Variants in LGALS3 observed in about 807,000 individuals in gnomAD.
LGALS3 encodes the protein galectin 3.
In LGALS3, 18 loss-of-function variants were observed where a neutral mutation model predicts 20.7. The ratio of observed to expected loss-of-function variants is 0.87; its 90% CI spans 0.60 to 1.29. The LOEUF (loss-of-function observed/expected upper bound fraction) is 1.29, where lower values mean the gene tolerates loss of function less well. Among genes scored for constraint, LGALS3 ranks in the 50% most tolerant of loss-of-function variants. LGALS3 has a pLI of 0.00. For missense variants in LGALS3, 315 were observed against 314.7 expected, an observed-to-expected ratio of 1.00 and a Z score of -0.01; for synonymous variants, 112 against 119.6, an observed-to-expected ratio of 0.94 and a Z score of 0.42.
intron 1 of LGALS3, among the ~76,000 whole-genome samples, chr14:55,135,560 GTTTTTT>G (rs762172869): frequency 1.9e-5 from 2 of 106,560 alleles, no homozygotes; most frequent in East Asian, 3.1e-4. Context: ...ATATTTTATG[GTTTTTT>G]TTTTTTTTTT....
intron 5 of LGALS3, 78 bp from the exon 6 acceptor site, chr14:55,145,038 T>A: frequency 8.8e-7 from 1 of 1,130,494 alleles, no homozygotes; most frequent in Admixed American, 2.1e-5. Flanking sequence ...AGATGAAATA[T>A]GTATATATTG....
intron 4 of LGALS3, among the ~76,000 whole-genome samples, chr14:55,141,076 A>G (rs1385917296): frequency 6.6e-6 from 1 of 152,176 alleles, no homozygotes; most frequent in Non-Finnish European, 1.5e-5. Flanking sequence ...CCATGTACAC[A>G]GGTTTATGCA....
chr14:55,136,354 C>T (rs2140291344), intron 1 of LGALS3, among the ~76,000 whole-genome samples: 1 of 151,734 alleles, frequency 6.6e-6, no homozygotes, highest in Non-Finnish European at 1.5e-5. Flanking sequence ...CCCTTTGAGG[C>T]TTAGCTCCAA....
chr14:55,145,230 GGTGACATAGAC>G lies in LGALS3; in HGVS notation c.713_723del (p.Gly238AlafsTer12). 6.2e-7 allele frequency: 1 copy of G among 1,613,558 alleles called. No individual in the cohort carries two copies. Among genetic ancestry groups the G allele is most frequent in the Non-Finnish European group, 8.5e-7 (1 of 1,179,926 alleles). ...TGAAATCAGCAAACTGGGAATTTCT[GGTGACATAGAC>G]CTCACCAGTGCTTCATATACCATGA... is the stretch of plus-strand genomic sequence containing the variant. On this transcript the variant is annotated frameshift_variant, in exon 6 of 6. Transcript: ENST00000254301. LOFTEE classifies it high-confidence loss of function.
chr14:55,129,934 G>A lies in LGALS3; in HGVS notation c.-5+634G>A, dbSNP rs1430288052. Among the ~76,000 whole-genome samples, 1 of 152,164 alleles carries A rather than the reference G, an allele frequency of 6.6e-6. No individual in the cohort carries two copies. Among genetic ancestry groups the A allele is most frequent in the Non-Finnish European group, 1.5e-5 (1 of 68,024 alleles). ...GGAGATCTCGCTGTGGAGCGCGAAT[G>A]AGTTCTTCCACCGGGACCAGCTGCG... On this transcript the variant is annotated intron_variant, in intron 1 of 5. Coordinates refer to ENST00000254301, the MANE Select transcript of LGALS3 (RefSeq NM_002306.4). The surrounding 1 kb of genome is among the most constrained non-coding windows in gnomAD (Gnocchi z 5.3).
intron 1 of LGALS3, among the ~76,000 whole-genome samples, chr14:55,131,621 G>A (rs1881234538): frequency 6.6e-6 from 1 of 152,158 alleles, no homozygotes; most frequent in South Asian, 2.1e-4. Flanking sequence ...CTTGTGTCTG[G>A]TGCCTGAACT....
At chr14:55,144,164 AG>A (rs2140297742) in intron 5 of LGALS3, among the ~76,000 whole-genome samples, 1 of 152,270 alleles carries the variant, frequency 6.6e-6, no homozygotes. Flanking sequence ...GTTTTGAGAC[AG>A]GGTCTCACAC....
chr14:55,137,829 G>A, intron 2 of LGALS3: 1 of 1,301,152 alleles, frequency 7.7e-7, no homozygotes, highest in East Asian at 2.9e-5. Flanking sequence ...CTGAGACGTT[G>A]GGAGGCAAGA....
At chr14:55,145,089 T>G (rs762418988) in intron 5 of LGALS3, 27 bp from the exon 6 acceptor site, 2 of 1,595,206 alleles carry the variant, frequency 1.3e-6, no homozygotes, top group Non-Finnish European at 1.7e-6. Context: ...TTACCTCATG[T>G]AACAGTTTAT....
At chr14:55,130,226 A>C (rs1881185635) in intron 1 of LGALS3, among the ~76,000 whole-genome samples, 1 of 152,122 alleles carries the variant, frequency 6.6e-6, no homozygotes, top group African/African-American at 2.4e-5. Context: ...GAAACACTAA[A>C]ACGATTGCCC....
chr14:55,144,330 G>C (rs1881738435), intron 5 of LGALS3, among the ~76,000 whole-genome samples: 1 of 152,184 alleles, frequency 6.6e-6, no homozygotes, highest in Admixed American at 6.5e-5. Flanking sequence ...TTTTCTTGTA[G>C]AGATGGGATT....
intron 5 of LGALS3, among the ~76,000 whole-genome samples, chr14:55,143,212 T>A (rs570000069): frequency 6.6e-6 from 1 of 152,320 alleles, no homozygotes; most frequent in South Asian, 2.1e-4. Flanking sequence ...AAGTTGCAAT[T>A]CGATGAGTAT....
At chr14:55,145,064 C>T (rs2140298344) in intron 5 of LGALS3, 52 bp from the exon 6 acceptor site, 2 of 1,440,408 alleles carry the variant, frequency 1.4e-6, no homozygotes, top group East Asian at 2.3e-5. Flanking sequence ...TGCCTAAATC[C>T]AGCTGACATA....
In LGALS3 at chr14:55,145,421, C is replaced by T. The variant is rs1246051166; in HGVS notation, c.*150C>T. On this transcript the variant is annotated 3_prime_UTR_variant, in exon 6 of 6. Transcript: ENST00000254301. ...AAATATTACAGTGAATTACCTGTCT[C>T]AATATGTCATTTAATTGGAGTGGTT... The T allele has an allele frequency of 3.6e-6, 5 of 1,400,544 alleles. No homozygotes were observed. The highest frequency in any genetic ancestry group is 4.9e-6 in the Non-Finnish European group (5 of 1,029,028). The allele number at this position is 1,400,544 out of a possible 1,614,324, so 86.8% of individuals were successfully genotyped here.
chr14:55,140,252 C>T (rs1370012528), intron 3 of LGALS3, 23 bp from the exon 4 acceptor site: 2 of 1,487,270 alleles, frequency 1.3e-6, no homozygotes, highest in Admixed American at 1.7e-5. Context: ...CTTATTGACA[C>T]ATATGTACTT....
At chr14:55,144,843 C>T (rs987443051) in intron 5 of LGALS3, among the ~76,000 whole-genome samples, 3 of 152,216 alleles carry the variant, frequency 2.0e-5, no homozygotes, top group Non-Finnish European at 4.4e-5. Context: ...GGATTACAGG[C>T]GTGAGCCACC....
intron 1 of LGALS3, among the ~76,000 whole-genome samples, chr14:55,135,943 A>G (rs1881383843): frequency 6.6e-6 from 1 of 152,184 alleles, no homozygotes; most frequent in Admixed American, 6.5e-5. Context: ...GTGATTGAGT[A>G]AATATCACAG....
At chr14:55,140,851 G>A (rs1375864948) in intron 4 of LGALS3, among the ~76,000 whole-genome samples, 2 of 152,164 alleles carry the variant, frequency 1.3e-5, no homozygotes, top group African/African-American at 4.8e-5. Flanking sequence ...TTGATGAGGT[G>A]GGCTAGGATG....
intron 4 of LGALS3, among the ~76,000 whole-genome samples, chr14:55,140,906 C>G (rs1437657064): frequency 6.6e-6 from 1 of 152,172 alleles, no homozygotes; most frequent in African/African-American, 2.4e-5. Flanking sequence ...TATGGCTGTC[C>G]TGGGCTGCTT....
Sources: allele counts gnomAD v4.1 joint callset (sites outside exome capture counted in the v4.1 genomes callset), GRCh38; gene constraint gnomAD v4.1.1; non-coding constraint Gnocchi (gnomAD v3.1); transcripts MANE v1.5; gene names NCBI Gene and HGNC (gene_info 2026-07-23, HGNC 2026-07-21).